The following ASH2L variants were observed in gnomAD, a reference collection of about 807,000 sequenced individuals.
ASH2L encodes ASH2 like, histone lysine methyltransferase complex subunit.
Under a neutral mutation model 81.1 loss-of-function variants are expected in ASH2L, and 30 were observed. The ratio of observed to expected loss-of-function variants is 0.37; its 90% CI spans 0.28 to 0.50. The LOEUF is 0.50. ASH2L is among the 20% of genes least tolerant of loss of function. ASH2L has a pLI of 0.95. For synonymous variants in ASH2L, 273 were observed against 279.9 expected, an observed-to-expected ratio of 0.98 and a Z score of 0.24; for missense variants, 559 against 792.1, an observed-to-expected ratio of 0.71 and a Z score of 3.53.
At chr8:38,106,745 A>T (rs1810450952) in intron 2 of ASH2L, among the ~76,000 whole-genome samples, 1 of 151,712 alleles carries the variant, frequency 6.6e-6, no homozygotes, top group African/African-American at 2.4e-5. Flanking sequence ...TCCTAACCTC[A>T]GTTGATTCTC....
intron 7 of ASH2L, among the ~76,000 whole-genome samples, chr8:38,116,328 T>C (rs1256925603): frequency 1.3e-5 from 2 of 152,042 alleles, no homozygotes; most frequent in Non-Finnish European, 2.9e-5. Flanking sequence ...ATCGCGCCAC[T>C]GCACTCCAGC....
chr8:38,134,359 A>G (rs1479474634), intron 13 of ASH2L, among the ~76,000 whole-genome samples: 1 of 152,072 alleles, frequency 6.6e-6, no homozygotes, highest in Non-Finnish European at 1.5e-5. Context: ...GAAATCTACA[A>G]GAGACTGAGG....
chr8:38,119,652 A>G (rs1294278988), intron 9 of ASH2L, among the ~76,000 whole-genome samples: 3 of 152,014 alleles, frequency 2.0e-5, no homozygotes, highest in Non-Finnish European at 2.9e-5. Flanking sequence ...CTAAAAATAC[A>G]AAATTAGGCA....
Position 38,135,689 on chromosome 8 carries a change from G to T in ASH2L, c.1642G>T (p.Val548Phe). Residue 548 changes from valine (V) to phenylalanine (F), a missense_variant, in exon 14 of 16, where the codon GTC becomes TTC. Coordinates refer to ENST00000343823, the MANE Select transcript of ASH2L (RefSeq NM_004674.5). ...TCAGATAATATTTTATAAAAATGGT[G>T]TCAATCAAGGTGTGGCTTACAAAGA... is the stretch of plus-strand genomic sequence containing the variant. ...HSEIIFYKNG[V>F]NQGVAYKDIF... is the part of the protein sequence containing the mutation. The T allele has an allele frequency of 6.2e-7, 1 of 1,611,616 alleles. No homozygotes were observed. The highest frequency in any genetic ancestry group is 1.7e-5 in the Admixed American group (1 of 59,758).
At chr8:38,135,974 C>T (rs899039523) in intron 14 of ASH2L, among the ~76,000 whole-genome samples, 7 of 151,974 alleles carry the variant, frequency 4.6e-5, no homozygotes, top group African/African-American at 1.5e-4. Context: ...AGTTTGTGTG[C>T]GCCATACTTT....
At chr8:38,138,930 A>C (rs1802378009) in intron 15 of ASH2L, 34 bp from the exon 16 acceptor site, 1 of 1,613,376 alleles carries the variant, frequency 6.2e-7, no homozygotes, top group Non-Finnish European at 8.5e-7. Flanking sequence ...TGGCTGCTGT[A>C]GTCACCGTGT....
At chr8:38,134,514 C>G (rs969544014) in intron 13 of ASH2L, among the ~76,000 whole-genome samples, 1 of 152,180 alleles carries the variant, frequency 6.6e-6, no homozygotes, top group African/African-American at 2.4e-5. Context: ...AGAACTTTCT[C>G]TGCCTCCACT....
At chr8:38,118,402 A>G (rs1810996429) in intron 8 of ASH2L, among the ~76,000 whole-genome samples, 1 of 152,226 alleles carries the variant, frequency 6.6e-6, no homozygotes, top group Non-Finnish European at 1.5e-5. Flanking sequence ...TTTGAACTGG[A>G]CAAAAATTTC....
intron 5 of ASH2L, among the ~76,000 whole-genome samples, chr8:38,112,618 T>G (rs1344106465): frequency 1.3e-5 from 2 of 152,166 alleles, no homozygotes; most frequent in Non-Finnish European, 2.9e-5. Flanking sequence ...TTTTTTAGAC[T>G]GTCACATCAG....
chr8:38,117,379 C>A, intron 8 of ASH2L: 1 of 890,760 alleles, frequency 1.1e-6, no homozygotes, highest in Non-Finnish European at 1.3e-6. Context: ...AGTGTGTTAT[C>A]TTTTTACAAC....
At chr8:38,118,638 C>T (rs1314742154) in intron 8 of ASH2L, among the ~76,000 whole-genome samples, 1 of 152,216 alleles carries the variant, frequency 6.6e-6, no homozygotes, top group Non-Finnish European at 1.5e-5. Context: ...CGAAAGCCTT[C>T]TTTCTTATTT....
chr8:38,132,058 A>G (rs1802082460), intron 12 of ASH2L, among the ~76,000 whole-genome samples: 1 of 152,160 alleles, frequency 6.6e-6, no homozygotes, highest in Admixed American at 6.6e-5. Context: ...CATGTTGGCC[A>G]GGCTGATCTC....
At position 38,114,997 on chromosome 8, in the gene ASH2L, T is replaced by G; in HGVS notation, c.774T>G (p.Asp258Glu). Residue 258 changes from aspartate to glutamate, a missense_variant, in exon 7 of 16, where the codon GAT (aspartate) becomes GAG (glutamate). Physicochemically the swap from Asp to Glu is conservative, Grantham distance 45. Transcript: ENST00000343823. ...EEDYPKFGLL[D>E]QDLSNIGPAY... Reference sequence around the variant, plus strand: ...ATTACCCCAAATTTGGACTTTTGGATCAGGTACATTAATATGTTTTACATT... The same window carrying G: ...ATTACCCCAAATTTGGACTTTTGGAGCAGGTACATTAATATGTTTTACATT... 6.3e-7 allele frequency: 1 copy of G among 1,587,120 alleles called. No individual in the cohort carries two copies. The highest frequency in any genetic ancestry group is 1.3e-5 in the African/African-American group (1 of 74,414).
chr8:38,138,775 G>T (rs1403393443), intron 14 of ASH2L, 41 bp from the exon 15 acceptor site: 1 of 1,583,768 alleles, frequency 6.3e-7, no homozygotes, highest in Admixed American at 1.7e-5. Flanking sequence ...AATATTTTTT[G>T]TCCATTTTTT....
chr8:38,106,359 C>T lies in ASH2L; in HGVS notation c.189-19C>T. 1.9e-6 allele frequency: 3 copies of T among 1,611,300 alleles called. No individual in the cohort carries two copies. Among genetic ancestry groups the T allele is most frequent in the Non-Finnish European group, 2.5e-6 (3 of 1,177,866 alleles). ...TTTGTCTTGAGAATTCTTACTTGAG[C>T]GCTTTCATTATCTTATAGGGAGGCA... On this transcript the variant is annotated intron_variant, in intron 1 of 15. Transcript: ENST00000343823.
intron 4 of ASH2L, 86 bp from the exon 5 acceptor site, chr8:38,110,649 TGTTA>T: frequency 8.1e-7 from 1 of 1,231,458 alleles, no homozygotes. Context: ...CTGCTATAAT[TGTTA>T]TTTTCTGGAC....
chr8:38,109,828 C>T (rs1563250213), intron 3 of ASH2L, among the ~76,000 whole-genome samples: 1 of 152,176 alleles, frequency 6.6e-6, no homozygotes, highest in Admixed American at 6.5e-5. Context: ...CCTTAGACTA[C>T]TTTGTCCTCT....
At chr8:38,106,560 T>G in intron 2 of ASH2L, 116 bp downstream of exon 2, 6 of 828,038 alleles carry the variant, frequency 7.2e-6, no homozygotes, top group East Asian at 2.8e-5. Context: ...CAGGCTGGAA[T>G]GCAGTGGCGC....
chr8:38,127,322 TAA>T (rs78451289), intron 10 of ASH2L, among the ~76,000 whole-genome samples: 47 of 133,752 alleles, frequency 3.5e-4, no homozygotes, highest in Admixed American at 4.6e-4. Flanking sequence ...CCCTGGCTCT[TAA>T]AAAAAAAAAA....
Sources: allele counts gnomAD v4.1 joint callset (sites outside exome capture counted in the v4.1 genomes callset), GRCh38; gene constraint gnomAD v4.1.1; transcripts MANE v1.5; gene names NCBI Gene and HGNC (gene_info 2026-07-23, HGNC 2026-07-21).